The following TVP23C variants were observed in gnomAD, a reference collection of about 807,000 sequenced individuals.
TVP23C encodes the protein trans-golgi network vesicle protein 23 homolog C.
Under a neutral mutation model 28.7 loss-of-function variants are expected in TVP23C, and 19 were observed. That is an observed-to-expected ratio of 0.66 (90% CI 0.46 to 0.97). TVP23C has a LOEUF of 0.97. TVP23C is among the 50% of genes least tolerant of loss of function. The pLI, the probability that TVP23C is intolerant of heterozygous loss-of-function variation, is 0.00. For missense variants in TVP23C, 186 were observed against 241.3 expected (o/e 0.77, Z 1.52); for synonymous variants, 68 against 81.7 (o/e 0.83, Z 0.90).
At chr17:15,503,063 C>T (rs139022317) in exon 6 of TVP23C, 1 of 1,614,096 alleles carries the variant, frequency 6.2e-7, no homozygotes, top group East Asian at 2.2e-5. Context: ...GTAAAGAGCT[C>T]GATCCGTGAT....
chr17:15,515,153 G>A (rs552871921), intron 5 of TVP23C, among the ~76,000 whole-genome samples: 1 of 152,210 alleles, frequency 6.6e-6, no homozygotes, highest in South Asian at 2.1e-4. Flanking sequence ...GTGAGAGCAA[G>A]AAAGCCCTGC....
intron 1 of TVP23C, among the ~76,000 whole-genome samples, chr17:15,560,755 C>T (rs560381807): frequency 6.7e-6 from 1 of 149,008 alleles, no homozygotes; most frequent in African/African-American, 2.4e-5. Context: ...GGGGTTTCAC[C>T]GTGTTAGCCA....
chr17:15,505,598 A>C (rs1981688859), intron 5 of TVP23C, among the ~76,000 whole-genome samples: 1 of 152,092 alleles, frequency 6.6e-6, no homozygotes, highest in Non-Finnish European at 1.5e-5. Flanking sequence ...CTTTGGCGGC[A>C]CTTGAGGAGC....
intron 2 of TVP23C, 113 bp from the exon 3 acceptor site, chr17:15,553,942 A>G (rs1984011520): frequency 1.3e-6 from 2 of 1,556,678 alleles, no homozygotes; most frequent in East Asian, 2.3e-5. Context: ...TTGTCAAAAT[A>G]AAAGAGGTGA....
Position 15,538,372 on chromosome 17 carries a change from T to C in TVP23C, c.*2040A>G, listed in dbSNP as rs376129734. Reference sequence around the variant, plus strand: ...TTGGGAGGCCGAGGAGGGTGGATCATGAGGTCAGGAGATCGAGACCCTCCT... The same window carrying C: ...TTGGGAGGCCGAGGAGGGTGGATCACGAGGTCAGGAGATCGAGACCCTCCT... On this transcript the variant is annotated 3_prime_UTR_variant, in exon 6 of 6. Transcript: ENST00000518321. 4.8e-6 allele frequency: 4 copies of C among 836,786 alleles called. No homozygotes were observed. The highest frequency in any genetic ancestry group is 6.1e-4 in the Middle Eastern group (1 of 1,648). The allele number at this position is 836,786 out of a possible 1,614,324, so 51.8% of individuals were successfully genotyped here.
rs559782608 is a variant in TVP23C at position 15,560,146 on chromosome 17, G to A, written c.12+3291C>T. Among the ~76,000 whole-genome samples the A allele has an allele frequency of 4.1e-4, 61 of 149,516 alleles. 2 individuals carry two copies. The highest frequency in any genetic ancestry group is 1.3e-3 in the African/African-American group (53 of 41,330). On this transcript the variant is annotated intron_variant, in intron 1 of 5. Coordinates refer to ENST00000518321, the MANE Select transcript of TVP23C (RefSeq NM_001135036.2). ...GTGATCTTGGCTCACTGCAACCTCCGCCTCCCGGGTTCAAGGGACTCCCCT... is the reference window on the plus strand; with the variant it reads ...GTGATCTTGGCTCACTGCAACCTCCACCTCCCGGGTTCAAGGGACTCCCCT...
chr17:15,543,345 G>A (rs1983502628), intron 5 of TVP23C, among the ~76,000 whole-genome samples: 1 of 151,234 alleles, frequency 6.6e-6, no homozygotes, highest in Non-Finnish European at 1.5e-5. Context: ...GTAAGGATAA[G>A]CAAAATGGAT....
intron 1 of TVP23C, among the ~76,000 whole-genome samples, chr17:15,555,658 T>G (rs908951883): frequency 2.0e-5 from 3 of 152,092 alleles, no homozygotes; most frequent in Non-Finnish European, 4.4e-5. Context: ...ACACCTGTCC[T>G]CCTCACCTGT....
At chr17:15,553,914 G>A (rs1450441707) in intron 2 of TVP23C, 85 bp from the exon 3 acceptor site, 24 of 1,586,372 alleles carry the variant, frequency 1.5e-5, no homozygotes, top group Middle Eastern at 1.7e-4. Context: ...TTTAGCCATC[G>A]TGTAACTGTG....
chr17:15,558,865 CA>C (rs1434419801), intron 1 of TVP23C, among the ~76,000 whole-genome samples: 1 of 142,652 alleles, frequency 7.0e-6, no homozygotes, highest in Admixed American at 7.1e-5. Context: ...CCAGACTGGC[CA>C]TTTTTTTTTT....
intron 5 of TVP23C, among the ~76,000 whole-genome samples, chr17:15,515,053 G>A (rs983565155): frequency 3.3e-5 from 5 of 152,080 alleles, no homozygotes; most frequent in Admixed American, 6.5e-5. Flanking sequence ...TTGGGGTACC[G>A]GAAACACAGC....
chr17:15,540,184 T>C lies in TVP23C; in HGVS notation c.*228A>G. On this transcript the variant is annotated 3_prime_UTR_variant, in exon 6 of 6. Coordinates refer to ENST00000518321, the MANE Select transcript of TVP23C (RefSeq NM_001135036.2). Reference sequence around the variant, plus strand: ...GATGAAAAACAACTGAACTTAAAAGTAATTTTTAAAAAATAAGTTATTATC... The same window carrying C: ...GATGAAAAACAACTGAACTTAAAAGCAATTTTTAAAAAATAAGTTATTATC... 1 of 1,275,326 alleles carries C rather than the reference T, an allele frequency of 7.8e-7. No individual in the cohort carries two copies. Among genetic ancestry groups the C allele is most frequent in the East Asian group, 3.4e-5 (1 of 29,404 alleles). 79.0% of individuals were successfully genotyped at this position (1,275,326 alleles called of 1,614,324 possible).
At chr17:15,536,670 C>T (rs1424006480), downstream of TVP23C, among the ~76,000 whole-genome samples, 3 of 150,902 alleles carry the variant, frequency 2.0e-5, no homozygotes, top group Non-Finnish European at 4.4e-5. Flanking sequence ...AGACTCTCAA[C>T]CCTAAAGATT....
At chr17:15,528,619 T>C (rs2150840726) in intron 5 of TVP23C, among the ~76,000 whole-genome samples, 1 of 151,636 alleles carries the variant, frequency 6.6e-6, no homozygotes, top group Admixed American at 6.6e-5. Flanking sequence ...GTTTTTTTGT[T>C]TGTTTGAGAT....
downstream of TVP23C, among the ~76,000 whole-genome samples, chr17:15,533,930 C>T (rs1443835985): frequency 2.0e-5 from 3 of 152,156 alleles, no homozygotes; most frequent in Admixed American, 6.5e-5. Flanking sequence ...AATGTTTGGT[C>T]GCTCTATGAT....
At chr17:15,544,802 GAAGGA>G (rs1983571873) in intron 5 of TVP23C, among the ~76,000 whole-genome samples, 1 of 151,896 alleles carries the variant, frequency 6.6e-6, no homozygotes, top group Admixed American at 6.6e-5. Flanking sequence ...CAAATCCAAA[GAAGGA>G]AAGTATGAAT....
intron 1 of TVP23C, 114 bp from the exon 2 acceptor site, chr17:15,555,478 C>G (rs1356764321): frequency 6.8e-7 from 1 of 1,468,682 alleles, no homozygotes; most frequent in South Asian, 1.3e-5. Flanking sequence ...GTGGTTACAG[C>G]ATCAGGAATT....
chr17:15,545,800 G>A lies in TVP23C; in HGVS notation c.447C>T (p.Phe149=). The A allele has an allele frequency of 6.2e-7, 1 of 1,613,388 alleles. No individual in the cohort carries two copies. Among genetic ancestry groups the A allele is most frequent in the Non-Finnish European group, 8.5e-7 (1 of 1,179,826 alleles). The change falls in exon 5 of 6, where the codon TTC becomes TTT. Residue 149 remains phenylalanine, a synonymous_variant. Coordinates refer to ENST00000518321, the MANE Select transcript of TVP23C (RefSeq NM_001135036.2). ...TGATACTCACCAGCCACTTTACTGTGAAGGAGAAGAGTGCACTAAAGGCAA... is the reference window on the plus strand; with the variant it reads ...TGATACTCACCAGCCACTTTACTGTAAAGGAGAAGAGTGCACTAAAGGCAA... The part of the protein sequence containing the change: ...VIFAFSALFS[F]TVKWLAVVIM...
Position 15,519,491 on chromosome 17 carries a change from C to T in TVP23C, c.463-16259G>A, listed in dbSNP as rs890791964. Reference sequence around the variant, plus strand: ...CATCTCAAATAAATATACACACACACACACACACACACACACAAATTGCGT... The same window carrying T: ...CATCTCAAATAAATATACACACACATACACACACACACACACAAATTGCGT... On this transcript the variant is annotated intron_variant, in intron 5 of 5. Coordinates refer to the TVP23C transcript ENST00000225576. 1.3e-3 allele frequency among the ~76,000 whole-genome samples: 192 copies of T among 151,836 alleles called. 2 individuals are homozygous for T. Among genetic ancestry groups the T allele is most frequent in the Admixed American group, 2.4e-3 (37 of 15,262 alleles).
Sources: gnomAD v4.1 joint callset for allele counts (sites outside exome capture counted in the v4.1 genomes callset) on GRCh38, gnomAD v4.1.1 for gene constraint, MANE v1.5 for transcripts, NCBI Gene and HGNC (gene_info 2026-07-23, HGNC 2026-07-21) for gene names.